The following TTLL11 variants were observed in gnomAD, a reference collection of about 807,000 sequenced individuals.
TTLL11 encodes tubulin tyrosine ligase like 11.
Under a neutral mutation model 51.7 loss-of-function variants are expected in TTLL11, and 42 were observed. The ratio of observed to expected loss-of-function variants is 0.81; its 90% confidence interval spans 0.64 to 1.05. The LOEUF (loss-of-function observed/expected upper bound fraction) is 1.05. TTLL11 is among the 50% of genes least tolerant of loss of function. TTLL11 has a pLI of 0.00. For synonymous variants in TTLL11, 381 were observed against 383.5 expected, an observed-to-expected ratio of 0.99 and a Z score of 0.08; for missense variants, 799 against 940.4, an observed-to-expected ratio of 0.85 and a Z score of 1.97.
At chr9:121,911,940 T>A (rs559746886) in intron 6 of TTLL11, among the ~76,000 whole-genome samples, 31 of 152,120 alleles carry the variant, frequency 2.0e-4, no homozygotes, top group African/African-American at 6.7e-4. Flanking sequence ...TAAAAAAAAA[T>A]TTTAAAAAAA....
chr9:122,079,570 G>T (rs937578274), intron 1 of TTLL11, among the ~76,000 whole-genome samples: 1 of 151,964 alleles, frequency 6.6e-6, no homozygotes, highest in South Asian at 2.1e-4. Flanking sequence ...TTAGCTGGGC[G>T]TGGTGGCGGG....
chr9:122,079,273 G>A (rs1845939640), intron 1 of TTLL11, among the ~76,000 whole-genome samples: 1 of 151,994 alleles, frequency 6.6e-6, no homozygotes, highest in African/African-American at 2.4e-5. Context: ...AACCCAATAG[G>A]TATGAAGTGG....
intron 8 of TTLL11, among the ~76,000 whole-genome samples, chr9:121,824,478 CAAAAAA>C (rs35905457): frequency 5.4e-5 from 6 of 110,392 alleles, no homozygotes; most frequent in East Asian, 4.9e-4. Context: ...GACTCCATCT[CAAAAAA>C]AAAAAAAAAA....
intron 2 of TTLL11, among the ~76,000 whole-genome samples, chr9:122,034,406 G>A (rs548457274): frequency 1.3e-5 from 2 of 152,326 alleles, no homozygotes; most frequent in Admixed American, 6.5e-5. Flanking sequence ...TCTCCAGGCA[G>A]TTTTTCTACT....
At chr9:121,826,183 C>CGTATATATAT (rs1564259884) in intron 8 of TTLL11, among the ~76,000 whole-genome samples, 4 of 3,944 alleles carry the variant, frequency 1.0e-3, no homozygotes, top group Non-Finnish European at 4.9e-4. Flanking sequence ...TAACCAGTAA[C>CGTATATATAT]CTATATATAT....
At chr9:121,880,106 T>C (rs1263556314) in intron 6 of TTLL11, among the ~76,000 whole-genome samples, 1 of 152,192 alleles carries the variant, frequency 6.6e-6, no homozygotes, top group African/African-American at 2.4e-5. Context: ...GGGAGGAGAA[T>C]GCCTTTTGCC....
intron 3 of TTLL11, among the ~76,000 whole-genome samples, chr9:122,011,298 T>G (rs1401728976): frequency 6.6e-6 from 1 of 152,170 alleles, no homozygotes; most frequent in Non-Finnish European, 1.5e-5. Context: ...TCTTTATCAG[T>G]AGCATGAAAA....
intron 1 of TTLL11, among the ~76,000 whole-genome samples, chr9:122,048,140 A>G (rs1845067625): frequency 6.6e-6 from 1 of 152,072 alleles, no homozygotes; most frequent in Non-Finnish European, 1.5e-5. Flanking sequence ...CAGCAGGACG[A>G]GAGACTTTTA....
intron 8 of TTLL11, among the ~76,000 whole-genome samples, chr9:121,838,719 GAAAGAAAGA>G (rs1244657379): frequency 1.3e-5 from 2 of 150,858 alleles, no homozygotes; most frequent in African/African-American, 4.9e-5. Flanking sequence ...ATTCTGTCAA[GAAAGAAAGA>G]AAAGAAAGAA....
chr9:121,855,396 A>AT (rs1588072467), intron 8 of TTLL11, among the ~76,000 whole-genome samples: 3 of 152,122 alleles, frequency 2.0e-5, no homozygotes, highest in Admixed American at 2.0e-4. Flanking sequence ...ACTAGTTTTT[A>AT]TTTTTTTCCT....
intron 8 of TTLL11, among the ~76,000 whole-genome samples, chr9:121,856,229 G>A (rs955998589): frequency 1.3e-5 from 2 of 152,166 alleles, no homozygotes; most frequent in African/African-American, 4.8e-5. Context: ...CTGCCATCAT[G>A]CCTGGTGAAT....
rs74869127 is a variant in TTLL11 at position 122,051,544 on chromosome 9, C to G, written c.463-12176G>C. Reference sequence around the variant, plus strand: ...CCTGCTTGTTGCTCATCCCACGGACCCAAAACCCAACACACCCACAGCTGC... The same window carrying G: ...CCTGCTTGTTGCTCATCCCACGGACGCAAAACCCAACACACCCACAGCTGC... On this transcript the variant is annotated intron_variant, in intron 1 of 8. Coordinates refer to ENST00000321582, the MANE Select transcript of TTLL11 (RefSeq NM_001139442.2). Among the ~76,000 whole-genome samples, 1,332 of 152,248 alleles carry G rather than the reference C, an allele frequency of 8.7e-3. 6 individuals are homozygous for G. Among genetic ancestry groups the G allele is most frequent in the Non-Finnish European group, 0.011 (764 of 68,016 alleles).
At chr9:121,888,646 G>T (rs939644662) in intron 6 of TTLL11, among the ~76,000 whole-genome samples, 1 of 152,234 alleles carries the variant, frequency 6.6e-6, no homozygotes, top group African/African-American at 2.4e-5. Context: ...CATTACTGAA[G>T]CCTGCACAAA....
At chr9:121,925,257 C>T (rs1168124257) in intron 6 of TTLL11, among the ~76,000 whole-genome samples, 3 of 152,202 alleles carry the variant, frequency 2.0e-5, no homozygotes, top group African/African-American at 7.2e-5. Context: ...GAAATAAGAA[C>T]CCAGAGAAAG....
At chr9:121,895,319 T>A (rs1248111762) in intron 6 of TTLL11, among the ~76,000 whole-genome samples, 1 of 151,630 alleles carries the variant, frequency 6.6e-6, no homozygotes, top group Non-Finnish European at 1.5e-5. Flanking sequence ...TGTATGTGAG[T>A]GTGTGCACAG....
chr9:121,826,553 G>GTGTA (rs1554756738), intron 8 of TTLL11, among the ~76,000 whole-genome samples: 14 of 45,196 alleles, frequency 3.1e-4, no homozygotes, highest in African/African-American at 2.0e-3. Context: ...ATATATATGT[G>GTGTA]TGTGTATATA....
intron 3 of TTLL11, among the ~76,000 whole-genome samples, chr9:121,997,208 C>A (rs1027691251): frequency 2.0e-5 from 3 of 148,260 alleles, no homozygotes; most frequent in African/African-American, 7.5e-5. Flanking sequence ...CTCTAGAACA[C>A]GCCCGGGACA....
intron 8 of TTLL11, among the ~76,000 whole-genome samples, chr9:121,839,971 C>T (rs944777633): frequency 1.3e-5 from 2 of 152,184 alleles, no homozygotes; most frequent in African/African-American, 4.8e-5. Flanking sequence ...ACTTGACTCA[C>T]ATTAAGAATG....
chr9:121,885,865 A>G (rs1266119547), intron 6 of TTLL11, among the ~76,000 whole-genome samples: 1 of 152,178 alleles, frequency 6.6e-6, no homozygotes, highest in African/African-American at 2.4e-5. Flanking sequence ...AGTAGCTGGG[A>G]CTAAAGGCAC....
Sources: gnomAD v4.1 joint callset for allele counts (sites outside exome capture counted in the v4.1 genomes callset) on GRCh38, gnomAD v4.1.1 for gene constraint, MANE v1.5 for transcripts, NCBI Gene and HGNC (gene_info 2026-07-23, HGNC 2026-07-21) for gene names.